CLCC1: variants seen among roughly 807,000 people sequenced by gnomAD.
CLCC1 encodes the protein chloride channel CLIC-like protein 1.
A neutral mutation model predicts 63.3 loss-of-function variants in CLCC1; 39 were observed. That is an observed-to-expected ratio of 0.62 (90% confidence interval 0.48 to 0.81). The LOEUF is 0.81. Among genes scored for constraint, CLCC1 ranks in the 30% least tolerant of loss-of-function variants. CLCC1 has a pLI of 0.00. For missense variants in CLCC1, 549 were observed against 669.4 expected, an observed-to-expected ratio of 0.82 and a Z score of 1.98; for synonymous variants, 217 against 239.8, an observed-to-expected ratio of 0.90 and a Z score of 0.88.
intron 4 of CLCC1, among the ~76,000 whole-genome samples, chr1:108,948,471 A>C (rs185107065): frequency 6.6e-6 from 1 of 152,304 alleles, no homozygotes; most frequent in Admixed American, 6.5e-5. Flanking sequence ...CGGAGTGTGG[A>C]CCATGAGTTG....
chr1:108,941,264 TA>T, intron 8 of CLCC1, 140 bp downstream of exon 8: 1 of 739,078 alleles, frequency 1.4e-6, no homozygotes, highest in South Asian at 1.8e-5. Flanking sequence ...GTTTTAAACC[TA>T]AAATGCTTCT....
At chr1:108,959,615 G>C (rs1400719122) in intron 2 of CLCC1, among the ~76,000 whole-genome samples, 1 of 152,122 alleles carries the variant, frequency 6.6e-6, no homozygotes, top group East Asian at 1.9e-4. Flanking sequence ...TTTAGCAGAG[G>C]AATAGATGTA....
At chr1:108,949,786 T>C (rs780371361) in intron 4 of CLCC1, 34 bp downstream of exon 4, 42 of 1,132,284 alleles carry the variant, frequency 3.7e-5, no homozygotes, top group Non-Finnish European at 5.3e-5. Context: ...TAACATAATA[T>C]AAAAATATAA....
chr1:108,944,469 TAA>T (rs1238408631), intron 5 of CLCC1, among the ~76,000 whole-genome samples: 2 of 144,514 alleles, frequency 1.4e-5, no homozygotes, highest in African/African-American at 2.5e-5. Context: ...ACCCTGTCTC[TAA>T]AAAAAAAAAA....
chr1:108,952,601 G>A (rs1655353603), intron 2 of CLCC1, among the ~76,000 whole-genome samples: 1 of 151,962 alleles, frequency 6.6e-6, no homozygotes, highest in Non-Finnish European at 1.5e-5. Context: ...GAGTTCGAGA[G>A]CAGCCTGGCC....
chr1:108,936,603 T>TA (rs1288303081), intron 11 of CLCC1, among the ~76,000 whole-genome samples: 1 of 152,212 alleles, frequency 6.6e-6, no homozygotes, highest in Non-Finnish European at 1.5e-5. Context: ...AACTTCTTCT[T>TA]ACCATTCTAC....
At chr1:108,950,095 T>A (rs1324769163) in intron 3 of CLCC1, among the ~76,000 whole-genome samples, 174 bp from the exon 4 acceptor site, 1 of 152,152 alleles carries the variant, frequency 6.6e-6, no homozygotes, top group Non-Finnish European at 1.5e-5. Context: ...AGAACTAAAA[T>A]CATATTATTT....
rs746245787 is a variant in CLCC1 at position 108,963,422 on chromosome 1, T to C, written c.-234A>G. 4 of 702,124 alleles carry C rather than the reference T, an allele frequency of 5.7e-6. No individual in the cohort carries two copies. In the South Asian group the frequency reaches 5.9e-5, roughly 10 times the overall value. 43.5% of individuals were successfully genotyped at this position (702,124 alleles called of 1,614,324 possible). On this transcript the variant is annotated 5_prime_UTR_variant, in exon 1 of 13. Coordinates refer to ENST00000369969, the MANE Select transcript of CLCC1 (RefSeq NM_001377458.1). ...CTGCCCAGGCCGGCCGCAGAAGAGG[T>C]CGCACAGCTTGCCGCCGCCCAGGGT...
intron 5 of CLCC1, among the ~76,000 whole-genome samples, chr1:108,945,703 C>G (rs1042356285): frequency 3.3e-5 from 5 of 152,108 alleles, no homozygotes; most frequent in Non-Finnish European, 5.9e-5. Flanking sequence ...TTAGTGCAAA[C>G]AAGAAAAACA....
Position 108,931,194 on chromosome 1 carries a change from C to A in CLCC1, c.*1353G>T. On this transcript the variant is annotated 3_prime_UTR_variant, in exon 13 of 13. Transcript: ENST00000369969. ...AAAAACAAAACCCATGTGGTTAGGT[C>A]AAGAACCTAGGACACATAAACAAAC... 5.5e-6 allele frequency: 6 copies of A among 1,090,124 alleles called. No individual in the cohort carries two copies. Among genetic ancestry groups the A allele is most frequent in the Non-Finnish European group, 7.5e-6 (6 of 798,620 alleles). 67.5% of individuals were successfully genotyped at this position (1,090,124 alleles called of 1,614,324 possible).
At chr1:108,953,768 C>T (rs928827923) in intron 2 of CLCC1, among the ~76,000 whole-genome samples, 4 of 152,124 alleles carry the variant, frequency 2.6e-5, no homozygotes, top group Non-Finnish European at 5.9e-5. Context: ...CCCAGCACTT[C>T]GGGAGGCCGA....
intron 8 of CLCC1, among the ~76,000 whole-genome samples, chr1:108,940,958 T>C (rs968138157): frequency 2.6e-5 from 4 of 152,042 alleles, no homozygotes; most frequent in Non-Finnish European, 5.9e-5. Flanking sequence ...TGTGAAAGAA[T>C]AAAAAAACTA....
intron 10 of CLCC1, 116 bp from the exon 11 acceptor site, chr1:108,937,534 TATAGAC>T: frequency 1.1e-6 from 1 of 883,544 alleles, no homozygotes; most frequent in Non-Finnish European, 1.7e-6. Flanking sequence ...TTGTGGCATT[TATAGAC>T]ATAAACATGT....
rs1338077156 is a variant in CLCC1 at position 108,948,053 on chromosome 1, G to GC, written c.232-336dup. Among the ~76,000 whole-genome samples the GC allele has an allele frequency of 5.9e-5, 9 of 152,176 alleles. No individual in the cohort carries two copies. The East Asian group carries it at 1.7e-3, about 29-fold the overall frequency. On this transcript the variant is annotated intron_variant, in intron 4 of 12. Coordinates refer to ENST00000369969, the MANE Select transcript of CLCC1 (RefSeq NM_001377458.1). ...CAATCTGCCTCTTTCTAATTCCAAAGCAACAATTTAACAAGAGAAAGAAGG... is the reference window on the plus strand; with the variant it reads ...CAATCTGCCTCTTTCTAATTCCAAAGCCAACAATTTAACAAGAGAAAGAAGG...
chr1:108,959,482 G>A (rs751401241), intron 2 of CLCC1, among the ~76,000 whole-genome samples: 9 of 152,104 alleles, frequency 5.9e-5, no homozygotes, highest in South Asian at 2.1e-4. Context: ...TTTTGCTGTC[G>A]CACCTCAAGT....
intron 2 of CLCC1, among the ~76,000 whole-genome samples, chr1:108,956,257 T>TG (rs1655878327): frequency 6.6e-6 from 1 of 151,386 alleles, no homozygotes; most frequent in Non-Finnish European, 1.5e-5. Flanking sequence ...CTCTGGTGAC[T>TG]GACTTGGTGA....
intron 1 of CLCC1, among the ~76,000 whole-genome samples, chr1:108,962,693 A>G (rs1656813195): frequency 1.3e-5 from 2 of 151,996 alleles, no homozygotes; most frequent in Admixed American, 1.3e-4. Flanking sequence ...ACACAGGGAG[A>G]CCCCTTCTCT....
intron 7 of CLCC1, among the ~76,000 whole-genome samples, 179 bp from the exon 8 acceptor site, chr1:108,941,677 G>A (rs1381493165): frequency 2.0e-5 from 3 of 151,480 alleles, no homozygotes; most frequent in Admixed American, 6.6e-5. Flanking sequence ...TTCCTGAGAC[G>A]GAGTCTCGCC....
chr1:108,950,097 A>G (rs915377259), intron 3 of CLCC1, among the ~76,000 whole-genome samples, 176 bp from the exon 4 acceptor site: 11 of 152,182 alleles, frequency 7.2e-5, no homozygotes, highest in African/African-American at 2.4e-4. Flanking sequence ...AACTAAAATC[A>G]TATTATTTTG....
Sources: allele counts gnomAD v4.1 joint callset (sites outside exome capture counted in the v4.1 genomes callset), GRCh38; gene constraint gnomAD v4.1.1; transcripts MANE v1.5; gene names NCBI Gene and HGNC (gene_info 2026-07-23, HGNC 2026-07-21).